The following VWC2 variants were observed in gnomAD, a reference collection of about 807,000 sequenced individuals.
VWC2 encodes brorin.
A neutral mutation model predicts 29.8 loss-of-function variants in VWC2; 14 were observed. The ratio of observed to expected loss-of-function variants is 0.47; its 90% CI spans 0.31 to 0.74. The LOEUF is 0.74. Ranked by LOEUF, VWC2 falls within the 30% of genes least tolerant of loss-of-function variation. The probability of loss-of-function intolerance (pLI) is 0.05; values close to 1 mark genes in which losing one functional copy is unlikely to be tolerated. For synonymous variants in VWC2, 213 were observed against 199.0 expected (o/e 1.07, Z -0.59); for missense variants, 457 against 459.8 (o/e 0.99, Z 0.05).
chr7:49,883,837 T>A (rs1791783017), intron 3 of VWC2, among the ~76,000 whole-genome samples: 2 of 152,190 alleles, frequency 1.3e-5, no homozygotes, highest in Non-Finnish European at 2.9e-5. Context: ...AGACATACCC[T>A]AGTGAATGTT....
At chr7:49,884,721 C>T (rs1399047104) in intron 3 of VWC2, among the ~76,000 whole-genome samples, 2 of 152,056 alleles carry the variant, frequency 1.3e-5, no homozygotes, top group African/African-American at 4.8e-5. Context: ...AGCCCAAACT[C>T]AAGTCAAGTT....
intron 3 of VWC2, among the ~76,000 whole-genome samples, chr7:49,876,183 T>C (rs76558472): frequency 1.7e-4 from 26 of 152,138 alleles, no homozygotes; most frequent in Admixed American, 1.1e-3. Context: ...TGGTAACCTT[T>C]AAGAGACACA....
chr7:49,859,593 C>T (rs1398117449), intron 3 of VWC2, among the ~76,000 whole-genome samples: 1 of 152,184 alleles, frequency 6.6e-6, no homozygotes, highest in Non-Finnish European at 1.5e-5. Context: ...TGTGCATTGA[C>T]GTCTGGGCTT....
At chr7:49,784,867 T>G (rs17133492) in intron 2 of VWC2, among the ~76,000 whole-genome samples, 42,596 of 152,034 alleles carry the variant, frequency 0.28, 8,531 homozygotes, top group African/African-American at 0.57. Context: ...GTGTTCCAAG[T>G]AATGTGACCT....
intron 3 of VWC2, 141 bp downstream of exon 3, chr7:49,802,981 A>T: frequency 1.9e-6 from 2 of 1,052,070 alleles, no homozygotes; most frequent in Non-Finnish European, 2.7e-6. Flanking sequence ...CACGTGTGTA[A>T]TCTTTCAGCC....
chr7:49,896,956 C>T (rs913143295), intron 3 of VWC2, among the ~76,000 whole-genome samples: 14 of 141,566 alleles, frequency 9.9e-5, no homozygotes, highest in African/African-American at 3.2e-4. Context: ...ACTGCAGTGG[C>T]GCAATCTCGG....
intron 3 of VWC2, among the ~76,000 whole-genome samples, chr7:49,867,215 C>T (rs557076105): frequency 3.2e-4 from 48 of 152,296 alleles, no homozygotes; most frequent in African/African-American, 1.1e-3. Flanking sequence ...GAAACTTTGT[C>T]CATATCCCTT....
At chr7:49,830,186 G>T (rs2128711186) in intron 3 of VWC2, among the ~76,000 whole-genome samples, 1 of 152,128 alleles carries the variant, frequency 6.6e-6, no homozygotes, top group African/African-American at 2.4e-5. Flanking sequence ...AAGTCTCCAG[G>T]AAGAAATCTT....
chr7:49,820,752 C>T (rs973886047), intron 3 of VWC2, among the ~76,000 whole-genome samples: 5 of 152,206 alleles, frequency 3.3e-5, no homozygotes, highest in African/African-American at 9.7e-5. Context: ...CCTTGCAATG[C>T]CTTGCGATCC....
chr7:49,788,725 GGT>G (rs980786454), intron 2 of VWC2, among the ~76,000 whole-genome samples: 21 of 139,152 alleles, frequency 1.5e-4, no homozygotes, highest in East Asian at 2.2e-4. Context: ...ATGGGTGTGG[GGT>G]GTGTGTGGAT....
Position 49,921,327 on chromosome 7 carries a change from A to G in VWC2, c.*9142A>G, listed in dbSNP as rs1450927717. ...CCATCCCTGGCCTGAGCCTTACTCC[A>G]TAGCTATAGAGACATAGTCTCTAGA... is the stretch of plus-strand genomic sequence containing the variant. On this transcript the variant is annotated 3_prime_UTR_variant, in exon 4 of 4. Transcript: ENST00000340652. 1 of 152,240 alleles carries G rather than the reference A, an allele frequency of 6.6e-6. No homozygotes were observed. The highest frequency in any genetic ancestry group is 1.5e-5 in the Non-Finnish European group (1 of 68,048). 9.4% of individuals were successfully genotyped at this position (152,240 alleles called of 1,614,324 possible).
chr7:49,845,303 A>AT (rs1253673951), intron 3 of VWC2, among the ~76,000 whole-genome samples: 2 of 152,114 alleles, frequency 1.3e-5, no homozygotes, highest in Non-Finnish European at 2.9e-5. Context: ...GAAAAAAAAA[A>AT]GGTGATAGAT....
chr7:49,899,581 G>A (rs1165879978), intron 3 of VWC2, among the ~76,000 whole-genome samples: 1 of 151,880 alleles, frequency 6.6e-6, no homozygotes, highest in Non-Finnish European at 1.5e-5. Flanking sequence ...GCCAGAGGGA[G>A]GTATTATATA....
intron 3 of VWC2, among the ~76,000 whole-genome samples, chr7:49,835,204 A>T (rs1789629629): frequency 6.6e-6 from 1 of 152,224 alleles, no homozygotes; most frequent in African/African-American, 2.4e-5. Flanking sequence ...ATGGCATTTT[A>T]TGGCTACTGG....
chr7:49,853,352 A>G (rs1014218360), intron 3 of VWC2, among the ~76,000 whole-genome samples: 2 of 152,226 alleles, frequency 1.3e-5, no homozygotes, highest in Non-Finnish European at 2.9e-5. Flanking sequence ...AGGCCCAGGA[A>G]GTCATGCCTG....
At chr7:49,794,921 T>C (rs577432447) in intron 2 of VWC2, among the ~76,000 whole-genome samples, 11 of 152,358 alleles carry the variant, frequency 7.2e-5, no homozygotes, top group Non-Finnish European at 1.6e-4. Context: ...GTGACATCAC[T>C]GCCTTTAAAA....
At chr7:49,787,770 G>A (rs909667752) in intron 2 of VWC2, among the ~76,000 whole-genome samples, 2 of 152,214 alleles carry the variant, frequency 1.3e-5, no homozygotes, top group South Asian at 2.1e-4. Context: ...CAGCTGAGGG[G>A]TACACTGTGC....
At chr7:49,904,852 C>T (rs1366414136) in intron 3 of VWC2, among the ~76,000 whole-genome samples, 2 of 151,150 alleles carry the variant, frequency 1.3e-5, no homozygotes, top group Non-Finnish European at 2.9e-5. Context: ...TCTCCTGCCT[C>T]AGCCTCCCAA....
At chr7:49,885,009 T>G (rs2128728387) in intron 3 of VWC2, among the ~76,000 whole-genome samples, 1 of 152,180 alleles carries the variant, frequency 6.6e-6, no homozygotes, top group South Asian at 2.1e-4. Flanking sequence ...AGGATATAAG[T>G]GTTGTATGGC....
Sources: allele counts gnomAD v4.1 joint callset (sites outside exome capture counted in the v4.1 genomes callset), GRCh38; gene constraint gnomAD v4.1.1; transcripts MANE v1.5; gene names NCBI Gene and HGNC (gene_info 2026-07-23, HGNC 2026-07-21).